Variants in FAT3 observed in about 807,000 individuals in gnomAD.
FAT3 encodes protocadherin Fat 3.
Under a neutral mutation model 310.2 loss-of-function variants are expected in FAT3, and 95 were observed. The observed-to-expected ratio is 0.31, with a 90% CI of 0.26 to 0.36. The LOEUF is 0.36. Among genes scored for constraint, FAT3 ranks in the 10% least tolerant of loss-of-function variants. The pLI, the probability that FAT3 is intolerant of heterozygous loss-of-function variation, is 1.00. For synonymous variants in FAT3, 2,314 were observed against 2,192.9 expected, an observed-to-expected ratio of 1.06 and a Z score of -1.54; for missense variants, 5,408 against 5,715.6, an observed-to-expected ratio of 0.95 and a Z score of 1.74.
chr11:92,359,628 G>T (rs11019922), intron 2 of FAT3, among the ~76,000 whole-genome samples: 9,967 of 138,050 alleles, frequency 0.072, 510 homozygotes, highest in African/African-American at 0.14. Flanking sequence ...ATCCCTCCCC[G>T]CTCCCCCCAC....
Position 92,800,215 on chromosome 11 carries a change from CAT to C in FAT3, c.7205_7206del (p.Tyr2402CysfsTer3). On this transcript the variant is annotated frameshift_variant, in exon 10 of 28. Coordinates refer to ENST00000525166, the MANE Select transcript of FAT3 (RefSeq NM_001367949.2). LOFTEE classifies it high-confidence loss of function. The stretch of plus-strand genomic sequence containing the variant: ...GTTTTTAATCAGCTCATTTATGAGT[CAT>C]ATGTGAGTGAATTAGCCCCCCGGGG... The C allele has an allele frequency of 6.2e-7, 1 of 1,613,958 alleles. No homozygotes were observed. The highest frequency in any genetic ancestry group is 8.5e-7 in the Non-Finnish European group (1 of 1,179,864).
chr11:92,745,361 C>T (rs1445912443), intron 4 of FAT3, among the ~76,000 whole-genome samples: 2 of 152,084 alleles, frequency 1.3e-5, no homozygotes, highest in Non-Finnish European at 2.9e-5. Context: ...TAACGGCCCA[C>T]ATGTGAGCAC....
chr11:92,855,821 G>T (rs533533917), intron 19 of FAT3, among the ~76,000 whole-genome samples: 20 of 152,256 alleles, frequency 1.3e-4, no homozygotes, highest in African/African-American at 4.8e-4. Context: ...TGACTGAGCT[G>T]TAAACCAGTG....
At chr11:92,230,214 G>A (rs1864109328) in intron 1 of FAT3, among the ~76,000 whole-genome samples, 1 of 142,190 alleles carries the variant, frequency 7.0e-6, no homozygotes, top group Admixed American at 7.4e-5. Context: ...TTAAAATTCT[G>A]TAAAGTCACA....
At chr11:92,674,813 G>A (rs1186098407) in intron 3 of FAT3, among the ~76,000 whole-genome samples, 1 of 152,136 alleles carries the variant, frequency 6.6e-6, no homozygotes, top group Non-Finnish European at 1.5e-5. Context: ...ACAGGCATAA[G>A]CCACTAGCTC....
intron 3 of FAT3, among the ~76,000 whole-genome samples, chr11:92,677,608 C>T (rs1943329225): frequency 6.6e-6 from 1 of 152,110 alleles, no homozygotes; most frequent in Non-Finnish European, 1.5e-5. Flanking sequence ...GATGGAAAGT[C>T]CAAGGTCAAG....
chr11:92,810,152 T>G, intron 13 of FAT3, 76 bp downstream of exon 13: 1 of 1,333,746 alleles, frequency 7.5e-7, no homozygotes, highest in Admixed American at 2.0e-5. Context: ...TTTAGTTTTA[T>G]AAGAACCTTA....
intron 2 of FAT3, among the ~76,000 whole-genome samples, chr11:92,465,676 A>G (rs12798230): frequency 6.6e-6 from 1 of 152,136 alleles, no homozygotes; most frequent in South Asian, 2.1e-4. Context: ...GAACACTTGG[A>G]CACAGGGTGG....
chr11:92,473,840 G>A (rs530245618), intron 2 of FAT3, among the ~76,000 whole-genome samples: 81 of 152,242 alleles, frequency 5.3e-4, no homozygotes, highest in South Asian at 6.2e-4. Context: ...TTCCTACACT[G>A]CTAGCCCAGA....
At chr11:92,864,942 G>C (rs761291229) in intron 21 of FAT3, among the ~76,000 whole-genome samples, 3 of 152,246 alleles carry the variant, frequency 2.0e-5, no homozygotes, top group Non-Finnish European at 4.4e-5. Context: ...AACTGTGTAT[G>C]ATGTGGCTAA....
At chr11:92,779,616 T>C (rs1021332134) in intron 7 of FAT3, among the ~76,000 whole-genome samples, 4 of 152,178 alleles carry the variant, frequency 2.6e-5, no homozygotes, top group Non-Finnish European at 5.9e-5. Flanking sequence ...CAGGTGCTAT[T>C]TGTGGTAGGC....
chr11:92,253,511 T>C (rs1865208306), intron 1 of FAT3, among the ~76,000 whole-genome samples: 1 of 152,134 alleles, frequency 6.6e-6, no homozygotes, highest in Non-Finnish European at 1.5e-5. Flanking sequence ...GTTCTTAATA[T>C]GATTTGCATA....
intron 2 of FAT3, among the ~76,000 whole-genome samples, chr11:92,407,426 C>G (rs763781817): frequency 2.0e-5 from 3 of 152,076 alleles, no homozygotes; most frequent in Non-Finnish European, 4.4e-5. Context: ...AGTAAGTGTT[C>G]TATAAATATT....
intron 2 of FAT3, among the ~76,000 whole-genome samples, chr11:92,441,019 C>T (rs759601404): frequency 6.6e-5 from 10 of 152,190 alleles, no homozygotes; most frequent in Non-Finnish European, 1.3e-4. Context: ...GACATGACTC[C>T]TGTCTCACTA....
At chr11:92,357,829 G>A (rs1053640877) in intron 2 of FAT3, among the ~76,000 whole-genome samples, 2 of 151,816 alleles carry the variant, frequency 1.3e-5, no homozygotes, top group African/African-American at 2.4e-5. Context: ...GAAAAGATAC[G>A]TATCTGCATT....
In FAT3 at chr11:92,763,158, C is replaced by CA. The variant is rs150307018; in HGVS notation, c.3984+1000dup. On this transcript the variant is annotated intron_variant, in intron 5 of 27. Coordinates refer to ENST00000525166, the MANE Select transcript of FAT3 (RefSeq NM_001367949.2). ...CGGGTGACAGAGCAAGACTCTGTCT[C>CA]AAAAAAAAAAAAGGCACCATCCACC... is the stretch of plus-strand genomic sequence containing the variant. 9.7e-3 allele frequency among the ~76,000 whole-genome samples: 1,335 copies of CA among 137,838 alleles called. 8 individuals are homozygous for CA. Among genetic ancestry groups the CA allele is most frequent in the South Asian group, 0.028 (120 of 4,300 alleles). The allele number at this position is 137,838 out of a possible 152,430, so 90.4% of individuals were successfully genotyped here.
At chr11:92,802,450 A>G (rs559886105) in intron 10 of FAT3, among the ~76,000 whole-genome samples, 16 of 152,246 alleles carry the variant, frequency 1.1e-4, no homozygotes, top group African/African-American at 3.6e-4. Flanking sequence ...TGACAACCAA[A>G]ATTTTTTGGA....
rs139635862 is a variant in FAT3 at position 92,374,551 on chromosome 11, A to G, written c.3292+19147A>G. Reference sequence around the variant, plus strand: ...TTTGACTGATTTGCCACAAACTCTGATAACTACTCTTTGTGATTTAAAAAC... The same window carrying G: ...TTTGACTGATTTGCCACAAACTCTGGTAACTACTCTTTGTGATTTAAAAAC... On this transcript the variant is annotated intron_variant, in intron 2 of 27. Coordinates refer to ENST00000525166, the MANE Select transcript of FAT3 (RefSeq NM_001367949.2). 3.5e-3 allele frequency among the ~76,000 whole-genome samples: 539 copies of G among 152,336 alleles called. 8 individuals carry two copies. The highest frequency in any genetic ancestry group is 0.026 in the Admixed American group (402 of 15,294).
rs762188561 is a variant in FAT3, at chr11:92,354,377, T to C, written c.2265T>C (p.Ser755=). The change falls in exon 2 of 28, where the codon TCT becomes TCC. Residue 755 remains serine, a synonymous_variant. Transcript: ENST00000525166. ...AGATTAAAGCCTATGATGCCGACTC[T>C]GGCTTCAATGGAAAAGTGCTATTTA... The part of the protein sequence containing the change: ...ILKIKAYDAD[S]GFNGKVLFTI... The C allele has an allele frequency of 1.7e-5, 28 of 1,613,842 alleles. No homozygotes were observed. Among genetic ancestry groups the C allele is most frequent in the Non-Finnish European group, 2.3e-5 (27 of 1,179,872 alleles).
Sources: allele counts gnomAD v4.1 joint callset (sites outside exome capture counted in the v4.1 genomes callset), GRCh38; gene constraint gnomAD v4.1.1; transcripts MANE v1.5; gene names NCBI Gene and HGNC (gene_info 2026-07-23, HGNC 2026-07-21).